Variants in GRIN2B observed in about 807,000 individuals in gnomAD.
The protein encoded by GRIN2B is glutamate ionotropic receptor NMDA type subunit 2B.
Under a neutral mutation model 114.5 loss-of-function variants are expected in GRIN2B, and 5 were observed. That is an observed-to-expected ratio of 0.04 (90% confidence interval 0.02 to 0.09). The LOEUF (loss-of-function observed/expected upper bound fraction) is 0.09. Ranked by LOEUF, GRIN2B falls within the 10% of genes least tolerant of loss-of-function variation. The pLI, the probability that GRIN2B is intolerant of heterozygous loss-of-function variation, is 1.00. For synonymous variants in GRIN2B, 787 were observed against 745.1 expected, an observed-to-expected ratio of 1.06 and a Z score of -0.92; for missense variants, 1,108 against 1,943.5, an observed-to-expected ratio of 0.57 and a Z score of 8.08.
intron 3 of GRIN2B, among the ~76,000 whole-genome samples, chr12:13,831,047 C>T (rs2111514): frequency 0.49 from 74,509 of 151,930 alleles, 18,558 homozygotes; most frequent in Middle Eastern, 0.56. Context: ...CTATTAGCTG[C>T]TGTGAAAGTC....
intron 3 of GRIN2B, among the ~76,000 whole-genome samples, chr12:13,815,818 T>G (rs1477879152): frequency 6.6e-6 from 1 of 152,192 alleles, no homozygotes; most frequent in Non-Finnish European, 1.5e-5. Context: ...CTTTCACATT[T>G]CTTCTTCTTG....
At chr12:13,864,139 G>T (rs890853183) in intron 3 of GRIN2B, among the ~76,000 whole-genome samples, 1 of 152,122 alleles carries the variant, frequency 6.6e-6, no homozygotes, top group African/African-American at 2.4e-5. Flanking sequence ...ATCTGTACCT[G>T]CACCCACGTA....
chr12:13,848,141 A>T (rs1865499437), intron 3 of GRIN2B, among the ~76,000 whole-genome samples: 1 of 152,188 alleles, frequency 6.6e-6, no homozygotes, highest in Non-Finnish European at 1.5e-5. Flanking sequence ...CAAACGGTGG[A>T]ATCTGTGGCC....
chr12:13,850,564 T>C (rs1308767601), intron 3 of GRIN2B, among the ~76,000 whole-genome samples: 25 of 152,164 alleles, frequency 1.6e-4, no homozygotes, highest in Admixed American at 1.6e-3. Context: ...TAATTCTCTT[T>C]CCCTTTCTAC....
chr12:13,754,142 CTA>C (rs2136629818), intron 3 of GRIN2B, among the ~76,000 whole-genome samples: 1 of 152,254 alleles, frequency 6.6e-6, no homozygotes, highest in East Asian at 1.9e-4. Flanking sequence ...GAAAATCAAC[CTA>C]TGTCTATACT....
At chr12:13,829,716 C>T (rs1400727177) in intron 3 of GRIN2B, among the ~76,000 whole-genome samples, 2 of 152,194 alleles carry the variant, frequency 1.3e-5, no homozygotes, top group African/African-American at 4.8e-5. Context: ...GGGAAGTCCA[C>T]CTGTTTAGGT....
intron 2 of GRIN2B, among the ~76,000 whole-genome samples, chr12:13,895,720 T>C (rs948369514): frequency 6.6e-6 from 1 of 152,338 alleles, no homozygotes; most frequent in Non-Finnish European, 1.5e-5. Context: ...GATTAGCATA[T>C]GTAAAGTTTT....
chr12:13,646,914 G>T (rs1949766083), intron 5 of GRIN2B, among the ~76,000 whole-genome samples: 1 of 152,222 alleles, frequency 6.6e-6, no homozygotes, highest in East Asian at 1.9e-4. Context: ...TACCTATGAA[G>T]AGGGTCGCAT....
chr12:13,664,968 A>G (rs1289012994), intron 5 of GRIN2B, among the ~76,000 whole-genome samples: 1 of 152,180 alleles, frequency 6.6e-6, no homozygotes, highest in Non-Finnish European at 1.5e-5. Flanking sequence ...TGATTTTAGA[A>G]AAGCTTTTAA....
At chr12:13,837,117 T>C (rs1385577821) in intron 3 of GRIN2B, among the ~76,000 whole-genome samples, 3 of 152,264 alleles carry the variant, frequency 2.0e-5, no homozygotes, top group South Asian at 2.1e-4. Flanking sequence ...TCCATAAACA[T>C]CCCACAACTC....
intron 10 of GRIN2B, among the ~76,000 whole-genome samples, chr12:13,574,393 CAG>C (rs1334068795): frequency 6.6e-6 from 1 of 152,196 alleles, no homozygotes; most frequent in Non-Finnish European, 1.5e-5. Flanking sequence ...TCCTTTTAAT[CAG>C]TAATTCCCCA....
Position 13,551,969 on chromosome 12 carries a change from C to T in GRIN2B, c.*10814G>A, listed in dbSNP as rs1025982236. Reference sequence around the variant, plus strand: ...TAGGCAGGCATGTTTTGTTTCATTTCGAAAAAAAAACAATCCCCTCTGGAA... The same window carrying T: ...TAGGCAGGCATGTTTTGTTTCATTTTGAAAAAAAAACAATCCCCTCTGGAA... On this transcript the variant is annotated 3_prime_UTR_variant, in exon 14 of 14. Transcript: ENST00000609686. The T allele has an allele frequency of 2.0e-5, 3 of 151,050 alleles. No homozygotes were observed. Among genetic ancestry groups the T allele is most frequent in the Non-Finnish European group, 3.0e-5 (2 of 67,704 alleles). The allele number at this position is 151,050 out of a possible 1,614,324, so 9.4% of individuals were successfully genotyped here.
rs1189880929 is a variant in GRIN2B, at chr12:13,829,698, G to T, written c.411+36100C>A. Among the ~76,000 whole-genome samples the T allele has an allele frequency of 3.3e-5, 5 of 152,222 alleles. No individual in the cohort carries two copies. The East Asian group carries it at 9.6e-4, about 29-fold the overall frequency. ...TAAGAGGGTGATGTGGGAGGGAAGGGAAGTCCTGGGAAGTCCACCTGTTTA... is the reference window on the plus strand; with the variant it reads ...TAAGAGGGTGATGTGGGAGGGAAGGTAAGTCCTGGGAAGTCCACCTGTTTA... On this transcript the variant is annotated intron_variant, in intron 3 of 13. Transcript: ENST00000609686.
intron 3 of GRIN2B, among the ~76,000 whole-genome samples, chr12:13,818,358 AC>A (rs1261876328): frequency 6.6e-6 from 1 of 152,234 alleles, no homozygotes; most frequent in Non-Finnish European, 1.5e-5. Flanking sequence ...ATTTCTGGGT[AC>A]TAATTCATGC....
At chr12:13,613,660 G>T (rs1475551109) in intron 8 of GRIN2B, among the ~76,000 whole-genome samples, 1 of 152,172 alleles carries the variant, frequency 6.6e-6, no homozygotes, top group African/African-American at 2.4e-5. Context: ...CCAGTTATCA[G>T]CTAAGAGACG....
At chr12:13,678,222 A>G (rs149805561) in intron 4 of GRIN2B, among the ~76,000 whole-genome samples, 1 of 152,308 alleles carries the variant, frequency 6.6e-6, no homozygotes, top group African/African-American at 2.4e-5. Flanking sequence ...TGAAAATGCT[A>G]TATAAACTGC....
At position 13,548,790 on chromosome 12, in the gene GRIN2B, T is replaced by C. The variant is rs1472120738; in HGVS notation, c.*13993A>G. 1 of 150,774 alleles carries C rather than the reference T, an allele frequency of 6.6e-6. No individual in the cohort carries two copies. The highest frequency in any genetic ancestry group is 1.5e-5 in the Non-Finnish European group (1 of 67,624). 9.3% of individuals were successfully genotyped at this position (150,774 alleles called of 1,614,324 possible). A position where few individuals can be genotyped will look rare whatever the true frequency, so the allele number is the denominator to read the frequency against. On this transcript the variant is annotated 3_prime_UTR_variant, in exon 14 of 14. Coordinates refer to ENST00000609686, the MANE Select transcript of GRIN2B (RefSeq NM_000834.5). Reference sequence around the variant, plus strand: ...TTTTTTTTAGATTAAAAAATTAGTCTAGTGCCCACCTCCTCCCCCCATCTT... The same window carrying C: ...TTTTTTTTAGATTAAAAAATTAGTCCAGTGCCCACCTCCTCCCCCCATCTT...
chr12:13,574,433 TTATAATGACTAAGATACTC>T (rs1948747630), intron 10 of GRIN2B, among the ~76,000 whole-genome samples: 1 of 152,230 alleles, frequency 6.6e-6, no homozygotes, highest in Non-Finnish European at 1.5e-5. Context: ...CAACTGATGT[TTATAATGACTAAGATACTC>T]TAGGGCCCAA....
At chr12:13,570,493 G>A (rs1458293183) in intron 11 of GRIN2B, among the ~76,000 whole-genome samples, 1 of 152,184 alleles carries the variant, frequency 6.6e-6, no homozygotes, top group Non-Finnish European at 1.5e-5. Context: ...GAAGGTTCCA[G>A]TATTCTGTTG....
Sources: gnomAD v4.1 joint callset for allele counts (sites outside exome capture counted in the v4.1 genomes callset) on GRCh38, gnomAD v4.1.1 for gene constraint, MANE v1.5 for transcripts, NCBI Gene and HGNC (gene_info 2026-07-23, HGNC 2026-07-21) for gene names.